The following DAAM2 variants were observed in gnomAD, a reference collection of about 807,000 sequenced individuals.
DAAM2 encodes dishevelled associated activator of morphogenesis 2.
DAAM2 carries 39 observed loss-of-function variants against 120.7 expected under a neutral mutation model. The observed-to-expected ratio is 0.32, with a 90% confidence interval of 0.25 to 0.42. The LOEUF is 0.42. Ranked by LOEUF, DAAM2 falls within the 10% of genes least tolerant of loss-of-function variation. The pLI is 1.00. For synonymous variants in DAAM2, 488 were observed against 524.9 expected (o/e 0.93, Z 0.96); for missense variants, 1,283 against 1,401.7 (o/e 0.92, Z 1.35).
At chr6:39,814,576 G>A (rs1361996592) in intron 1 of DAAM2, among the ~76,000 whole-genome samples, 1 of 152,276 alleles carries the variant, frequency 6.6e-6, no homozygotes, top group Non-Finnish European at 1.5e-5. Context: ...TGGCACAGCA[G>A]CAGAGCTGCA....
chr6:39,855,793 C>A (rs1184943146), intron 1 of DAAM2, among the ~76,000 whole-genome samples: 2 of 152,196 alleles, frequency 1.3e-5, no homozygotes, highest in African/African-American at 4.8e-5. Flanking sequence ...CTTTCCTCCC[C>A]ATTGGTCCAT....
chr6:39,876,370 G>T (rs912389794), intron 11 of DAAM2, among the ~76,000 whole-genome samples: 2 of 152,160 alleles, frequency 1.3e-5, no homozygotes, highest in Non-Finnish European at 2.9e-5. Context: ...GTTTTCATTT[G>T]CATAGTCAGA....
intron 1 of DAAM2, among the ~76,000 whole-genome samples, chr6:39,853,057 A>G (rs1763873134): frequency 6.6e-6 from 1 of 152,188 alleles, no homozygotes; most frequent in South Asian, 2.1e-4. Context: ...GCCCATTGAC[A>G]GGGAAGACAA....
intron 1 of DAAM2, among the ~76,000 whole-genome samples, chr6:39,809,082 G>T (rs952584419): frequency 6.6e-6 from 1 of 152,148 alleles, no homozygotes; most frequent in Non-Finnish European, 1.5e-5. Flanking sequence ...AGATGGTGAC[G>T]CACTCAGGAA....
At chr6:39,868,082 A>G in intron 6 of DAAM2, 2 of 524,774 alleles carry the variant, frequency 3.8e-6, no homozygotes, top group African/African-American at 1.9e-5. Context: ...TGTCTTCCTT[A>G]TTAGTCAGTG....
At position 39,901,781 on chromosome 6, in the gene DAAM2, G is replaced by C; in HGVS notation, c.2983-32G>C. 1 of 1,499,226 alleles carries C rather than the reference G, an allele frequency of 6.7e-7. No homozygotes were observed. Among genetic ancestry groups the C allele is most frequent in the East Asian group, 2.3e-5 (1 of 43,504 alleles). The allele number at this position is 1,499,226 out of a possible 1,614,324, so 92.9% of individuals were successfully genotyped here. A position where few individuals can be genotyped will look rare whatever the true frequency, so the allele number is the denominator to read the frequency against. ...CCCTGGCCTCAGCGCCTCTCCCTGAGAGGGTTCCTATCTTTGGCCCCCCGC... is the reference window on the plus strand; with the variant it reads ...CCCTGGCCTCAGCGCCTCTCCCTGACAGGGTTCCTATCTTTGGCCCCCCGC... On this transcript the variant is annotated intron_variant, in intron 24 of 24. Transcript: ENST00000274867. This position sits in a 1 kb window ranked among gnomAD's most constrained non-coding sequence, Gnocchi z 4.5.
At chr6:39,850,340 GC>G (rs1484170262) in intron 1 of DAAM2, among the ~76,000 whole-genome samples, 2 of 152,050 alleles carry the variant, frequency 1.3e-5, no homozygotes. Context: ...CTGGAAGCCT[GC>G]CCTGACTTCC....
chr6:39,864,388 G>A (rs1764334804), intron 3 of DAAM2, 45 bp from the exon 4 acceptor site: 31 of 1,486,304 alleles, frequency 2.1e-5, no homozygotes, highest in Non-Finnish European at 2.9e-5. Flanking sequence ...CAGGCCACGG[G>A]CCTGTCTTGC....
chr6:39,834,054 C>T (rs551383537), intron 1 of DAAM2, among the ~76,000 whole-genome samples: 3 of 152,242 alleles, frequency 2.0e-5, no homozygotes, highest in South Asian at 2.1e-4. Flanking sequence ...TTGACCCCGT[C>T]GTATGCCTGA....
chr6:39,846,000 G>A (rs1486904340), intron 1 of DAAM2, among the ~76,000 whole-genome samples: 1 of 152,126 alleles, frequency 6.6e-6, no homozygotes, highest in African/African-American at 2.4e-5. Flanking sequence ...GGTTGGCCCT[G>A]GTCTCAGCAC....
intron 9 of DAAM2, among the ~76,000 whole-genome samples, chr6:39,872,278 C>T (rs901779023): frequency 6.6e-6 from 1 of 152,202 alleles, no homozygotes; most frequent in African/African-American, 2.4e-5. Context: ...CTGAGTATCC[C>T]TTGATCCAGT....
chr6:39,817,090 G>A (rs1340723482), intron 1 of DAAM2, among the ~76,000 whole-genome samples: 5 of 152,148 alleles, frequency 3.3e-5, no homozygotes, highest in Admixed American at 6.5e-5. Context: ...CAGTGAGATC[G>A]CACCTTTGAT....
intron 1 of DAAM2, among the ~76,000 whole-genome samples, chr6:39,836,204 G>C (rs1763097149): frequency 6.6e-6 from 1 of 152,026 alleles, no homozygotes; most frequent in African/African-American, 2.4e-5. Flanking sequence ...ACTGGCTTTG[G>C]CTCCATTTTG....
intron 1 of DAAM2, among the ~76,000 whole-genome samples, chr6:39,839,728 C>T (rs1562017324): frequency 6.6e-6 from 1 of 152,228 alleles, no homozygotes; most frequent in South Asian, 2.1e-4. Flanking sequence ...GCCAGCAAAT[C>T]GCAGGAGGCT....
chr6:39,884,037 G>A lies in DAAM2; in HGVS notation c.1921G>A (p.Glu641Lys). The A allele has an allele frequency of 5.0e-6, 8 of 1,612,142 alleles. No individual in the cohort carries two copies. The highest frequency in any genetic ancestry group is 6.8e-6 in the Non-Finnish European group (8 of 1,178,738). Residue 641 changes from glutamate to lysine, a missense_variant, in exon 15 of 25, where the codon GAA (glutamate) becomes AAA (lysine). Physicochemically the swap from Glu to Lys is moderately conservative, Grantham distance 56. Transcript: ENST00000274867. ...VFRILDLEDFEKMFSAYQRHQ... is the reference protein window; with the variant it reads ...VFRILDLEDFKKMFSAYQRHQ... Reference sequence around the variant, plus strand: ...TCGGATCCTGGACCTAGAGGATTTTGAAAAGATGTTTTCAGCCTACCAGAG... The same window carrying A: ...TCGGATCCTGGACCTAGAGGATTTTAAAAAGATGTTTTCAGCCTACCAGAG...
intron 1 of DAAM2, among the ~76,000 whole-genome samples, chr6:39,809,258 C>G (rs149825255): frequency 6.6e-6 from 1 of 152,164 alleles, no homozygotes; most frequent in African/African-American, 2.4e-5. Flanking sequence ...TTAGCAGAAA[C>G]GTAATGGGGG....
In DAAM2 at chr6:39,896,932, G is replaced by A. The variant is rs1454510653; in HGVS notation, c.2462G>A (p.Arg821Gln). The A allele has an allele frequency of 5.0e-6, 8 of 1,613,356 alleles. No homozygotes were observed. In the East Asian group the frequency reaches 1.3e-4, roughly 27 times the overall value. ...CAGCGTGGGGGCGCCTACGGGTTCC[G>A]GGTGGCCAGCCTCAACAAGATCGCT... ...KGQRGGAYGF[R>Q]VASLNKIADT... Residue 821 changes from arginine to glutamine, a missense_variant, in exon 20 of 25, where the codon CGG (arginine) becomes CAG (glutamine). Physicochemically the swap from Arg to Gln is conservative, Grantham distance 43 (BLOSUM62 1). Around this residue, in one of 3 missense-constraint regions of DAAM2, gnomAD observed 748 missense variants for 768.6 expected, o/e 0.97. Coordinates refer to ENST00000274867, the MANE Select transcript of DAAM2 (RefSeq NM_001201427.2).
chr6:39,873,241 C>A lies in DAAM2; in HGVS notation c.1048C>A (p.His350Asn). 1 of 1,608,790 alleles carries A rather than the reference C, an allele frequency of 6.2e-7. No homozygotes were observed. Among genetic ancestry groups the A allele is most frequent in the East Asian group, 2.2e-5 (1 of 44,806 alleles). The change falls in exon 10 of 25, where the codon CAC becomes AAC. Residue 350 changes from histidine (H) to asparagine (N), a missense_variant. His to Asn is a moderately conservative substitution (Grantham distance 68). Coordinates refer to ENST00000274867, the MANE Select transcript of DAAM2 (RefSeq NM_001201427.2). ...ACTGTGCCCTCTTCTCTCCCAGGTCCACATCGACACCAAGAGTGCTTCCCA... is the reference window on the plus strand; with the variant it reads ...ACTGTGCCCTCTTCTCTCCCAGGTCAACATCGACACCAAGAGTGCTTCCCA... ...LELARRFDMV[H>N]IDTKSASQMF...
intron 14 of DAAM2, among the ~76,000 whole-genome samples, chr6:39,882,719 G>A (rs13206867): frequency 1.6e-4 from 14 of 87,768 alleles, no homozygotes; most frequent in African/African-American, 4.0e-4. Flanking sequence ...ACACACACAC[G>A]CACACACACA....
Sources: allele counts gnomAD v4.1 joint callset (sites outside exome capture counted in the v4.1 genomes callset), GRCh38; gene constraint gnomAD v4.1.1; regional missense constraint gnomAD v4.1.1; non-coding constraint Gnocchi (gnomAD v3.1); transcripts MANE v1.5; gene names NCBI Gene and HGNC (gene_info 2026-07-23, HGNC 2026-07-21).